Variants in LRP1B observed in about 807,000 individuals in gnomAD.
LRP1B encodes low-density lipoprotein receptor-related protein 1B.
In LRP1B, 217 loss-of-function variants were observed where a neutral mutation model predicts 556.6. The ratio of observed to expected loss-of-function variants is 0.39; its 90% confidence interval spans 0.35 to 0.44. The LOEUF is 0.44. Ranked by LOEUF, LRP1B falls within the 20% of genes least tolerant of loss-of-function variation. The probability of loss-of-function intolerance (pLI) is 1.00; values close to 1 mark genes in which losing one functional copy is unlikely to be tolerated. For synonymous variants in LRP1B, 2,047 were observed against 1,865.8 expected (o/e 1.10, Z -2.50); for missense variants, 5,053 against 5,620.8 (o/e 0.90, Z 3.23).
intron 1 of LRP1B, among the ~76,000 whole-genome samples, chr2:142,077,026 A>C (rs1705526345): frequency 6.6e-6 from 1 of 152,082 alleles, no homozygotes; most frequent in South Asian, 2.1e-4. Context: ...ACACCAAAAC[A>C]TTTATTAACT....
intron 2 of LRP1B, among the ~76,000 whole-genome samples, chr2:141,600,353 C>T (rs1031336765): frequency 6.6e-6 from 1 of 152,136 alleles, no homozygotes; most frequent in African/African-American, 2.4e-5. Context: ...ATACACAATA[C>T]ATAAAGTTGA....
chr2:140,316,546 ACT>A (rs1181798047), intron 82 of LRP1B, among the ~76,000 whole-genome samples: 2 of 152,046 alleles, frequency 1.3e-5, no homozygotes, highest in South Asian at 4.1e-4. Flanking sequence ...AATATGAATA[ACT>A]CTCTCATGAC....
chr2:141,317,364 T>TG (rs1687071180), intron 3 of LRP1B, among the ~76,000 whole-genome samples: 1 of 152,196 alleles, frequency 6.6e-6, no homozygotes, highest in African/African-American at 2.4e-5. Context: ...TTGTCTTCCT[T>TG]GGCTTGCAGA....
At chr2:141,728,324 G>A (rs1281262792) in intron 2 of LRP1B, among the ~76,000 whole-genome samples, 1 of 150,694 alleles carries the variant, frequency 6.6e-6, no homozygotes, top group African/African-American at 2.4e-5. Context: ...TGTGAGGAGT[G>A]ACAATCCCAG....
chr2:142,125,725 T>C (rs1271981253), intron 1 of LRP1B, among the ~76,000 whole-genome samples: 1 of 151,812 alleles, frequency 6.6e-6, no homozygotes, highest in East Asian at 1.9e-4. Flanking sequence ...ACAGGTTAAA[T>C]TTGGGAATAG....
chr2:140,457,992 A>G (rs1195894020), intron 60 of LRP1B, among the ~76,000 whole-genome samples: 2 of 152,072 alleles, frequency 1.3e-5, no homozygotes, highest in African/African-American at 4.8e-5. Context: ...ATGTGTGTAT[A>G]TACATATACA....
intron 35 of LRP1B, among the ~76,000 whole-genome samples, chr2:140,748,363 AT>A (rs1372459695): frequency 0.022 from 2,418 of 112,384 alleles, 109 homozygotes; most frequent in Non-Finnish European, 0.032. Context: ...TATAATATAT[AT>A]TTATATATGT....
chr2:140,857,107 G>GA (rs1692642171), intron 27 of LRP1B, among the ~76,000 whole-genome samples: 1 of 151,596 alleles, frequency 6.6e-6, no homozygotes, highest in Non-Finnish European at 1.5e-5. Flanking sequence ...TCTCACCAGG[G>GA]AAAAGAAAAA....
chr2:141,783,493 G>T (rs1695330202), intron 2 of LRP1B, among the ~76,000 whole-genome samples: 1 of 151,952 alleles, frequency 6.6e-6, no homozygotes, highest in Non-Finnish European at 1.5e-5. Flanking sequence ...TTCACATGCT[G>T]AATCTCTTCC....
rs908493693 is a variant in LRP1B, at chr2:140,628,460, C to T, written c.6800-26821G>A. Reference sequence around the variant, plus strand: ...GCTGAGGCAGGAGAATGGCATGAACCCGGGAGGCGGAGCTTGCAGTGAGCC... The same window carrying T: ...GCTGAGGCAGGAGAATGGCATGAACTCGGGAGGCGGAGCTTGCAGTGAGCC... On this transcript the variant is annotated intron_variant, in intron 41 of 90. Coordinates refer to ENST00000389484, the MANE Select transcript of LRP1B (RefSeq NM_018557.3). Among the ~76,000 whole-genome samples, 52 of 151,100 alleles carry T rather than the reference C, an allele frequency of 3.4e-4. 1 individual carries two copies. The highest frequency in any genetic ancestry group is 6.0e-4 in the Admixed American group (9 of 15,116).
intron 18 of LRP1B, among the ~76,000 whole-genome samples, chr2:140,976,409 T>C (rs754588067): frequency 1.3e-5 from 2 of 150,682 alleles, no homozygotes; most frequent in Non-Finnish European, 2.9e-5. Flanking sequence ...TACATGGTTA[T>C]AAAAGATCAA....
chr2:140,813,508 A>C, intron 32 of LRP1B, 149 bp downstream of exon 32: 1 of 637,054 alleles, frequency 1.6e-6, no homozygotes. Context: ...GAGGAAAAGA[A>C]GGAAGAGAAG....
chr2:141,930,444 C>A (rs572799004), intron 1 of LRP1B, among the ~76,000 whole-genome samples: 1 of 152,124 alleles, frequency 6.6e-6, no homozygotes, highest in African/African-American at 2.4e-5. Flanking sequence ...AAGTGAGTTA[C>A]TCCTTGGGGA....
rs201472382 is a variant in LRP1B, at chr2:142,046,441, CT to C, written c.82+84206del. Reference sequence around the variant, plus strand: ...CTGGCAGCTAACAGAATCCACTGAGCTTTTTTTTGTCAGGGGCATCAGGCCA... The same window carrying C: ...CTGGCAGCTAACAGAATCCACTGAGCTTTTTTTGTCAGGGGCATCAGGCCA... On this transcript the variant is annotated intron_variant, in intron 1 of 90. Coordinates refer to ENST00000389484, the MANE Select transcript of LRP1B (RefSeq NM_018557.3). Among the ~76,000 whole-genome samples the C allele has an allele frequency of 2.8e-3, 418 of 151,788 alleles. 4 individuals are homozygous for C. Among genetic ancestry groups the C allele is most frequent in the Non-Finnish European group, 4.9e-3 (334 of 67,880 alleles).
chr2:141,119,419 C>G (rs569620389), intron 7 of LRP1B, among the ~76,000 whole-genome samples: 50 of 151,782 alleles, frequency 3.3e-4, no homozygotes, highest in African/African-American at 1.2e-3. Context: ...TAAAAGTTTT[C>G]AATTAAAAAT....
intron 23 of LRP1B, among the ~76,000 whole-genome samples, chr2:140,896,385 A>T (rs979138586): frequency 6.6e-6 from 1 of 152,140 alleles, no homozygotes; most frequent in Non-Finnish European, 1.5e-5. Context: ...CAAAAGCCAG[A>T]TTGTAAAGAA....
intron 32 of LRP1B, among the ~76,000 whole-genome samples, chr2:140,793,816 C>T (rs773523301): frequency 1.3e-5 from 2 of 151,786 alleles, no homozygotes; most frequent in Non-Finnish European, 2.9e-5. Context: ...TAGCTAGAAG[C>T]GTACTCTTGA....
At chr2:140,846,139 C>T (rs1317809318) in intron 29 of LRP1B, among the ~76,000 whole-genome samples, 2 of 152,116 alleles carry the variant, frequency 1.3e-5, no homozygotes, top group Non-Finnish European at 2.9e-5. Flanking sequence ...CAAGTGGATT[C>T]TCAATAGCAA....
At chr2:140,732,414 T>A (rs288113) in intron 35 of LRP1B, among the ~76,000 whole-genome samples, 1 of 152,104 alleles carries the variant, frequency 6.6e-6, no homozygotes, top group Non-Finnish European at 1.5e-5. Flanking sequence ...ATACCTTACC[T>A]GAACTGCATG....
Sources: allele counts gnomAD v4.1 joint callset (sites outside exome capture counted in the v4.1 genomes callset), GRCh38; gene constraint gnomAD v4.1.1; transcripts MANE v1.5; gene names NCBI Gene and HGNC (gene_info 2026-07-23, HGNC 2026-07-21).